The following PLA2G4A variants were observed in gnomAD, a reference collection of about 807,000 sequenced individuals.
PLA2G4A encodes phospholipase A2 group IVA, also known as cytosolic phospholipase A2.
A neutral mutation model predicts 81.9 loss-of-function variants in PLA2G4A; 40 were observed. The observed-to-expected ratio is 0.49, with a 90% CI of 0.38 to 0.64. The LOEUF is 0.64. PLA2G4A is among the 30% of genes least tolerant of loss of function. The probability of loss-of-function intolerance (pLI) is 0.00; values close to 1 mark genes in which losing one functional copy is unlikely to be tolerated. For missense variants in PLA2G4A, 715 were observed against 905.1 expected, an observed-to-expected ratio of 0.79 and a Z score of 2.69; for synonymous variants, 302 against 296.9, an observed-to-expected ratio of 1.02 and a Z score of -0.18.
intron 1 of PLA2G4A, among the ~76,000 whole-genome samples, chr1:186,847,163 C>T (rs190741631): frequency 6.6e-6 from 1 of 151,748 alleles, no homozygotes; most frequent in Admixed American, 6.6e-5. Flanking sequence ...ATTAACCTAC[C>T]TATTTACTGT....
At chr1:186,886,125 A>T (rs1483448027) in intron 3 of PLA2G4A, among the ~76,000 whole-genome samples, 1 of 152,158 alleles carries the variant, frequency 6.6e-6, no homozygotes, top group Non-Finnish European at 1.5e-5. Context: ...AATCCTGAAG[A>T]TATTGAACAA....
At chr1:186,928,919 C>CT (rs1313150392) in intron 7 of PLA2G4A, among the ~76,000 whole-genome samples, 1 of 152,186 alleles carries the variant, frequency 6.6e-6, no homozygotes, top group Non-Finnish European at 1.5e-5. Context: ...CCCAGACCTT[C>CT]TCAGCAGCAC....
chr1:186,848,381 G>T (rs1646822920), intron 1 of PLA2G4A, among the ~76,000 whole-genome samples: 3 of 152,034 alleles, frequency 2.0e-5, no homozygotes, highest in Admixed American at 2.0e-4. Flanking sequence ...AGCTTGGGAG[G>T]GTTTGACCAT....
At chr1:186,873,111 GT>G (rs1345383103) in intron 3 of PLA2G4A, among the ~76,000 whole-genome samples, 1 of 148,146 alleles carries the variant, frequency 6.8e-6, no homozygotes, top group Admixed American at 6.8e-5. Flanking sequence ...ATGAAGGAGT[GT>G]TAGAGAAATA....
At chr1:186,959,940 A>T (rs1656889840) in intron 14 of PLA2G4A, among the ~76,000 whole-genome samples, 1 of 152,116 alleles carries the variant, frequency 6.6e-6, no homozygotes, top group Non-Finnish European at 1.5e-5. Context: ...TTAGGTTGGA[A>T]AAATGTTACA....
rs778071180 is a variant in PLA2G4A, at chr1:186,940,102, G to A, written c.1033+8G>A. 2.7e-6 allele frequency: 4 copies of A among 1,470,904 alleles called. No homozygotes were observed. The highest frequency in any genetic ancestry group is 3.8e-6 in the Non-Finnish European group (4 of 1,049,252). The allele number at this position is 1,470,904 out of a possible 1,614,324, so 91.1% of individuals were successfully genotyped here. A position where few individuals can be genotyped will look rare whatever the true frequency, so the allele number is the denominator to read the frequency against. On this transcript the variant is annotated splice_region_variant and intron_variant, in intron 10 of 17. Coordinates refer to ENST00000367466, the MANE Select transcript of PLA2G4A (RefSeq NM_024420.3). ...CAGAGCTGATGTTTGCAGGTATGCT[G>A]TTTCCTTTCTCAGAACACTTCCTGG...
Position 186,946,716 on chromosome 1 carries a change from A to T in PLA2G4A, c.1113A>T (p.Lys371Asn). Residue 371 changes from lysine to asparagine, a missense_variant, in exon 11 of 18, where the codon AAA becomes AAT. Coordinates refer to ENST00000367466, the MANE Select transcript of PLA2G4A (RefSeq NM_024420.3). ...TFMAPDLFGS[K>N]FFMGTVVKKY... Reference sequence around the variant, plus strand: ...TGGCTCCCGACTTATTTGGAAGCAAATTTTTTATGGGAACAGTCGTTAAGA... The same window carrying T: ...TGGCTCCCGACTTATTTGGAAGCAATTTTTTTATGGGAACAGTCGTTAAGA... The T allele has an allele frequency of 6.2e-7, 1 of 1,612,378 alleles. No homozygotes were observed. The highest frequency in any genetic ancestry group is 8.5e-7 in the Non-Finnish European group (1 of 1,178,740).
chr1:186,868,998 C>T (rs1028864078), intron 2 of PLA2G4A, among the ~76,000 whole-genome samples: 4 of 149,406 alleles, frequency 2.7e-5, no homozygotes, highest in Non-Finnish European at 4.4e-5. Context: ...AGTTTGGTTG[C>T]ATTGATTTTT....
At chr1:186,902,326 C>T (rs1654571135) in intron 5 of PLA2G4A, among the ~76,000 whole-genome samples, 1 of 152,084 alleles carries the variant, frequency 6.6e-6, no homozygotes, top group Non-Finnish European at 1.5e-5. Flanking sequence ...TACAAAACCA[C>T]ATCCAGGCCA....
intron 2 of PLA2G4A, among the ~76,000 whole-genome samples, chr1:186,861,910 A>G (rs2102042545): frequency 6.6e-6 from 1 of 151,944 alleles, no homozygotes; most frequent in East Asian, 1.9e-4. Flanking sequence ...TCAGAGTAAG[A>G]AAACCTCATT....
chr1:186,854,237 G>A, intron 1 of PLA2G4A, 49 bp from the exon 2 acceptor site: 1 of 715,582 alleles, frequency 1.4e-6, no homozygotes, highest in Middle Eastern at 3.0e-4. Flanking sequence ...TTAAATCTTA[G>A]AACTGCATCC....
chr1:186,959,470 G>C (rs1292679121), intron 14 of PLA2G4A, among the ~76,000 whole-genome samples: 1 of 152,058 alleles, frequency 6.6e-6, no homozygotes, highest in Non-Finnish European at 1.5e-5. Context: ...ATTTCATTGT[G>C]TGTATTTCAT....
intron 1 of PLA2G4A, among the ~76,000 whole-genome samples, chr1:186,841,422 G>A (rs1339711360): frequency 6.6e-6 from 1 of 152,154 alleles, no homozygotes; most frequent in Non-Finnish European, 1.5e-5. Context: ...TTTAGCCCCA[G>A]TGCATGTGGG....
chr1:186,857,077 T>TATTATATAATA (rs1468383735), intron 2 of PLA2G4A, among the ~76,000 whole-genome samples: 1 of 18,204 alleles, frequency 5.5e-5, no homozygotes, highest in Non-Finnish European at 8.0e-5. Context: ...CCCACATATA[T>TATTATATAATA]TATACATATA....
rs12720515 is a variant in PLA2G4A at position 186,871,856 on chromosome 1, G to T, written c.115+1340G>T. ...ATATTGGAGAGGAATGTGGAAAATA[G>T]GTTTTTCTTTTTTTTCAAAGAACAG... On this transcript the variant is annotated intron_variant, in intron 3 of 17. Transcript: ENST00000367466. 3.6e-3 allele frequency among the ~76,000 whole-genome samples: 542 copies of T among 152,170 alleles called. 3 individuals are homozygous for T. Among genetic ancestry groups the T allele is most frequent in the Non-Finnish European group, 3.6e-3 (246 of 68,000 alleles).
At position 186,988,850 on chromosome 1, in the gene PLA2G4A, C is replaced by T. The variant is rs1277817377; in HGVS notation, c.*342C>T. 4 of 214,538 alleles carry T rather than the reference C, an allele frequency of 1.9e-5. No individual in the cohort carries two copies. The East Asian group carries it at 4.5e-4, about 24-fold the overall frequency. 13.3% of individuals were successfully genotyped at this position (214,538 alleles called of 1,614,324 possible). A position where few individuals can be genotyped will look rare whatever the true frequency, so the allele number is the denominator to read the frequency against. ...CTTTTAAAATATTTAACAGTTCAAT[C>T]TCAATAAGACCTCGCATTATGTATG... is the stretch of plus-strand genomic sequence containing the variant. On this transcript the variant is annotated 3_prime_UTR_variant, in exon 18 of 18. Transcript: ENST00000367466.
chr1:186,978,237 G>T (rs1222001830), intron 16 of PLA2G4A, among the ~76,000 whole-genome samples: 1 of 152,088 alleles, frequency 6.6e-6, no homozygotes, highest in Non-Finnish European at 1.5e-5. Flanking sequence ...CAGAAAACAA[G>T]AATCAAGTTT....
At chr1:186,986,380 T>C (rs555617636) in intron 17 of PLA2G4A, among the ~76,000 whole-genome samples, 13 of 152,340 alleles carry the variant, frequency 8.5e-5, no homozygotes, top group South Asian at 6.2e-4. Context: ...TGGACACTTT[T>C]ATGCAATGAG....
intron 3 of PLA2G4A, among the ~76,000 whole-genome samples, chr1:186,872,890 G>A (rs1653333162): frequency 6.6e-6 from 1 of 152,088 alleles, no homozygotes; most frequent in Non-Finnish European, 1.5e-5. Context: ...CCTTTTTAAA[G>A]TGAAGGACCC....
Sources: gnomAD v4.1 joint callset for allele counts (sites outside exome capture counted in the v4.1 genomes callset) on GRCh38, gnomAD v4.1.1 for gene constraint, MANE v1.5 for transcripts, NCBI Gene and HGNC (gene_info 2026-07-23, HGNC 2026-07-21) for gene names.